Variants in TMEM176B observed in about 807,000 individuals in gnomAD.
TMEM176B encodes transmembrane protein 176B.
A neutral mutation model predicts 30.3 loss-of-function variants in TMEM176B; 28 were observed. That is an observed-to-expected ratio of 0.92 (90% CI 0.68 to 1.27). The LOEUF (loss-of-function observed/expected upper bound fraction) is 1.27, where lower values mean the gene tolerates loss of function less well. Among genes scored for constraint, TMEM176B ranks in the 50% most tolerant of loss-of-function variants. The pLI, the probability that TMEM176B is intolerant of heterozygous loss-of-function variation, is 0.00. For synonymous variants in TMEM176B, 123 were observed against 130.3 expected (o/e 0.94, Z 0.38); for missense variants, 349 against 327.4 (o/e 1.07, Z -0.51).
rs570485445 is a variant in TMEM176B, at chr7:150,793,025, C to T, written c.600+63G>A. 92 of 1,533,166 alleles carry T rather than the reference C, an allele frequency of 6.0e-5. 2 individuals are homozygous for T. In the South Asian group the frequency reaches 1.0e-3, roughly 17 times the overall value. The allele number at this position is 1,533,166 out of a possible 1,614,324, so 95.0% of individuals were successfully genotyped here. A position where few individuals can be genotyped will look rare whatever the true frequency, so the allele number is the denominator to read the frequency against. On this transcript the variant is annotated intron_variant, in intron 5 of 6. Coordinates refer to ENST00000326442, the MANE Select transcript of TMEM176B (RefSeq NM_001101312.2). The stretch of plus-strand genomic sequence containing the variant: ...AGCCTACATCTCTGTCCTCCAGGGC[C>T]CCCAGCTCCCTGGGAAAAAAGAGCT...
intron 1 of TMEM176B, among the ~76,000 whole-genome samples, chr7:150,798,201 G>T (rs1177242854): frequency 2.6e-5 from 4 of 152,146 alleles, no homozygotes; most frequent in African/African-American, 9.7e-5. Context: ...CTGGCCATGA[G>T]CAACCACTGA....
In TMEM176B at chr7:150,792,222, A is replaced by G. The variant is rs781734352; in HGVS notation, c.601-47T>C. The G allele has an allele frequency of 3.1e-5, 50 of 1,603,626 alleles. 1 individual carries two copies. In the South Asian group the frequency reaches 5.0e-4, roughly 16 times the overall value. ...AGATAGTCAGGTGTCAGCTACTCCAATGCTGCCCACATCACCACCCTCTCC... is the reference window on the plus strand; with the variant it reads ...AGATAGTCAGGTGTCAGCTACTCCAGTGCTGCCCACATCACCACCCTCTCC... On this transcript the variant is annotated intron_variant, in intron 5 of 6. Coordinates refer to ENST00000326442, the MANE Select transcript of TMEM176B (RefSeq NM_001101312.2).
chr7:150,796,395 T>A lies in TMEM176B; in HGVS notation c.175A>T (p.Arg59Trp). 1 of 1,614,110 alleles carries A rather than the reference T, an allele frequency of 6.2e-7. No individual in the cohort carries two copies. ...AGAGCCAGCTGCTCATAACCAATCCTGGCTGTGGAAGGCACAGTGTCCCCA... is the reference window on the plus strand; with the variant it reads ...AGAGCCAGCTGCTCATAACCAATCCAGGCTGTGGAAGGCACAGTGTCCCCA... Reference protein sequence around the residue: ...HPGDTVPSTARIGYEQLALGV... With the variant: ...HPGDTVPSTAWIGYEQLALGV... The change falls in exon 2 of 7, where the codon AGG (arginine) becomes TGG (tryptophan). Residue 59 changes from arginine (R) to tryptophan (W), a missense_variant. By Grantham distance (101) the Arg-to-Trp change is moderately radical. Transcript: ENST00000326442.
At chr7:150,797,457 A>G (rs1004884002) in intron 1 of TMEM176B, among the ~76,000 whole-genome samples, 12 of 152,244 alleles carry the variant, frequency 7.9e-5, no homozygotes, top group African/African-American at 2.9e-4. Context: ...TCAGGGAGGT[A>G]AAGGAAGACA....
At position 150,792,157 on chromosome 7, in the gene TMEM176B, G is replaced by T. The variant is rs139047290; in HGVS notation, c.619C>A (p.Arg207Ser). The change falls in exon 6 of 7, where the codon CGT (arginine) becomes AGT (serine). Residue 207 changes from arginine (R) to serine (S), a missense_variant. Coordinates refer to ENST00000326442, the MANE Select transcript of TMEM176B (RefSeq NM_001101312.2). ...ACACAGACAGCCAGGAACAGGGCAC[G>T]GATTGCTGTGAACAACTTCTGGAGA... is the stretch of plus-strand genomic sequence containing the variant. ...QMLRKLFTAI[R>S]ALFLAVCVLK... is the part of the protein sequence containing the mutation. 1.7e-4 allele frequency: 278 copies of T among 1,613,592 alleles called. 1 individual carries two copies. The highest frequency in any genetic ancestry group is 9.9e-4 in the Middle Eastern group (6 of 6,082).
At chr7:150,798,078 C>T (rs1046880298) in intron 1 of TMEM176B, among the ~76,000 whole-genome samples, 10 of 152,208 alleles carry the variant, frequency 6.6e-5, no homozygotes, top group Non-Finnish European at 1.2e-4. Flanking sequence ...TATATCTCAA[C>T]GAGTTTTGAC....
At chr7:150,792,224 G>A in intron 5 of TMEM176B, 49 bp from the exon 6 acceptor site, 1 of 1,604,038 alleles carries the variant, frequency 6.2e-7, no homozygotes, top group Non-Finnish European at 8.5e-7. Flanking sequence ...CTACTCCAAT[G>A]CTGCCCACAT....
upstream of TMEM176B, chr7:150,801,041 G>C: frequency 1.0e-6 from 1 of 967,804 alleles, no homozygotes; most frequent in Non-Finnish European, 1.2e-6. Flanking sequence ...GCGTGAACCC[G>C]TCGGGCGTGA....
chr7:150,796,807 A>C, intron 1 of TMEM176B: 3 of 491,256 alleles, frequency 6.1e-6, no homozygotes, highest in East Asian at 3.7e-5. Context: ...AAAAATACAA[A>C]AATCCGCACG....
intron 1 of TMEM176B, among the ~76,000 whole-genome samples, chr7:150,798,444 T>A (rs1223454136): frequency 6.6e-6 from 1 of 152,002 alleles, no homozygotes; most frequent in Non-Finnish European, 1.5e-5. Flanking sequence ...CCCAGCTAAT[T>A]TTTTGTATTT....
chr7:150,792,241 C>G (rs1798344500), intron 5 of TMEM176B, 66 bp from the exon 6 acceptor site: 2 of 1,589,514 alleles, frequency 1.3e-6, no homozygotes, highest in South Asian at 2.2e-5. Context: ...ACATCACCAC[C>G]CTCTCCACCC....
chr7:150,792,160 T>C lies in TMEM176B; in HGVS notation c.616A>G (p.Ile206Val), dbSNP rs1235635934. The C allele has an allele frequency of 1.2e-5, 19 of 1,613,714 alleles. No individual in the cohort carries two copies. Among genetic ancestry groups the C allele is most frequent in the Non-Finnish European group, 1.4e-5 (16 of 1,179,828 alleles). Reference sequence around the variant, plus strand: ...CAGACAGCCAGGAACAGGGCACGGATTGCTGTGAACAACTTCTGGAGATAA... The same window carrying C: ...CAGACAGCCAGGAACAGGGCACGGACTGCTGTGAACAACTTCTGGAGATAA... ...MQMLRKLFTA[I>V]RALFLAVCVL... The change falls in exon 6 of 7, where the codon ATC (isoleucine) becomes GTC (valine). Residue 206 changes from isoleucine (I) to valine (V), a missense_variant. By Grantham distance (29) the Ile-to-Val change is conservative. Transcript: ENST00000326442.
In TMEM176B at chr7:150,793,113, C is replaced by T; in HGVS notation, c.575G>A (p.Cys192Tyr). The T allele has an allele frequency of 1.2e-6, 2 of 1,614,172 alleles. No homozygotes were observed. The highest frequency in any genetic ancestry group is 1.7e-6 in the Non-Finnish European group (2 of 1,180,034). The change falls in exon 5 of 7, where the codon TGT becomes TAT. Residue 192 changes from cysteine to tyrosine, a missense_variant. Transcript: ENST00000326442. The part of the protein sequence containing the change: ...SQENQWQKEE[C>Y]RAYMQMLRKL... Reference sequence around the variant, plus strand: ...CCTCAGCATCTGCATGTAAGCTCTACACTCCTCCTTCTGCCATTGGTTCTC... The same window carrying T: ...CCTCAGCATCTGCATGTAAGCTCTATACTCCTCCTTCTGCCATTGGTTCTC...
At chr7:150,792,504 T>C (rs563248574) in intron 5 of TMEM176B, among the ~76,000 whole-genome samples, 26 of 152,356 alleles carry the variant, frequency 1.7e-4, no homozygotes, top group Middle Eastern at 3.4e-3. Flanking sequence ...CCTGAAATGC[T>C]TGCAACTAGG....
At chr7:150,793,063 C>T (rs767295996) in intron 5 of TMEM176B, 25 bp downstream of exon 5, 28 of 1,611,278 alleles carry the variant, frequency 1.7e-5, no homozygotes, top group Middle Eastern at 1.6e-4. Flanking sequence ...GATGGGTCCC[C>T]GAAGACTGGA....
rs1217649456 is a variant in TMEM176B, at chr7:150,793,184, G to A, written c.504C>T (p.Asp168=). ...LYIDTVCDRS[D]PVFPTTGYRW... is the part of the protein sequence containing the mutation. ...TGTACCCAGTGGTAGGGAAGACAGG[G>A]TCTGAGCGATCACACACAGTGTCGA... The change falls in exon 5 of 7, where the codon GAC becomes GAT. Residue 168 remains aspartate, a synonymous_variant. Transcript: ENST00000326442. 5 of 1,614,206 alleles carry A rather than the reference G, an allele frequency of 3.1e-6. No individual in the cohort carries two copies. The highest frequency in any genetic ancestry group is 4.2e-6 in the Non-Finnish European group (5 of 1,180,048).
intron 1 of TMEM176B, among the ~76,000 whole-genome samples, chr7:150,797,219 T>A (rs1052043005): frequency 6.6e-6 from 1 of 152,222 alleles, no homozygotes; most frequent in Admixed American, 6.5e-5. Context: ...TACAAAAGTG[T>A]GAAAAAGTAT....
upstream of TMEM176B, chr7:150,801,042 T>C: frequency 1.0e-6 from 1 of 967,604 alleles, no homozygotes. Flanking sequence ...CGTGAACCCG[T>C]CGGGCGTGAG....
intron 6 of TMEM176B, 28 bp from the exon 7 acceptor site, chr7:150,791,651 T>C (rs765978474): frequency 3.1e-6 from 5 of 1,596,184 alleles, no homozygotes; most frequent in South Asian, 1.1e-5. Context: ...AAGAAATCCT[T>C]AGGGGAAAAG....
Sources: allele counts gnomAD v4.1 joint callset (sites outside exome capture counted in the v4.1 genomes callset), GRCh38; gene constraint gnomAD v4.1.1; transcripts MANE v1.5; gene names NCBI Gene and HGNC (gene_info 2026-07-23, HGNC 2026-07-21).